The following UBE4B variants were observed in gnomAD, a reference collection of about 807,000 sequenced individuals.
UBE4B encodes ubiquitination factor E4B.
Under a neutral mutation model 148.1 loss-of-function variants are expected in UBE4B, and 27 were observed. The ratio of observed to expected loss-of-function variants is 0.18; its 90% CI spans 0.13 to 0.25. The LOEUF is 0.25. UBE4B is among the 10% of genes least tolerant of loss of function. UBE4B has a pLI of 1.00. For missense variants in UBE4B, 1,170 were observed against 1,662.4 expected, an observed-to-expected ratio of 0.70 and a Z score of 5.15; for synonymous variants, 596 against 619.3, an observed-to-expected ratio of 0.96 and a Z score of 0.56.
rs140713896 is a variant in UBE4B, at chr1:10,156,310, G to T, written c.2927-2046G>T. Among the ~76,000 whole-genome samples the T allele has an allele frequency of 4.9e-3, 718 of 147,086 alleles. 9 individuals carry two copies. The highest frequency in any genetic ancestry group is 0.017 in the African/African-American group (674 of 39,848). ...GCTAGAGTGTAGTGGTACAATTACA[G>T]CACCATGCACTCTTGACCTCCCGGG... is the stretch of plus-strand genomic sequence containing the variant. On this transcript the variant is annotated intron_variant, in intron 21 of 27. Coordinates refer to ENST00000343090, the MANE Select transcript of UBE4B (RefSeq NM_001105562.3).
chr1:10,080,889 G>A (rs1436796923), intron 2 of UBE4B, among the ~76,000 whole-genome samples: 1 of 152,142 alleles, frequency 6.6e-6, no homozygotes, highest in Non-Finnish European at 1.5e-5. Flanking sequence ...AGTAGATGGT[G>A]GTTACCAGAG....
intron 1 of UBE4B, among the ~76,000 whole-genome samples, chr1:10,069,678 G>A (rs1644450836): frequency 1.3e-5 from 2 of 152,296 alleles, no homozygotes; most frequent in Admixed American, 1.3e-4. Flanking sequence ...GGGATTGCAG[G>A]TGTGTGGCAC....
intron 16 of UBE4B, among the ~76,000 whole-genome samples, chr1:10,136,162 G>C (rs572060095): frequency 3.9e-5 from 6 of 152,128 alleles, no homozygotes; most frequent in Non-Finnish European, 7.4e-5. Context: ...CAATACATCA[G>C]TAAGGAACAT....
chr1:10,167,167 C>T (rs1358861929), intron 23 of UBE4B, among the ~76,000 whole-genome samples: 2 of 151,700 alleles, frequency 1.3e-5, no homozygotes, highest in East Asian at 3.9e-4. Context: ...GGGCCGGGCA[C>T]GGTGGCTTAC....
intron 7 of UBE4B, among the ~76,000 whole-genome samples, chr1:10,108,049 G>T (rs1000154737): frequency 2.6e-5 from 4 of 152,164 alleles, no homozygotes; most frequent in Non-Finnish European, 5.9e-5. Context: ...TGAACTACCA[G>T]ATGTGACAAC....
intron 9 of UBE4B, among the ~76,000 whole-genome samples, chr1:10,120,818 A>G (rs1365700445): frequency 6.6e-6 from 1 of 152,184 alleles, no homozygotes; most frequent in Non-Finnish European, 1.5e-5. Context: ...AGCCTGGGCA[A>G]CAGAGCAAGA....
intron 1 of UBE4B, among the ~76,000 whole-genome samples, chr1:10,043,717 C>T (rs759831370): frequency 3.3e-5 from 5 of 152,154 alleles, no homozygotes; most frequent in African/African-American, 9.7e-5. Context: ...CGTGATCCAA[C>T]GCGCTGGGCC....
chr1:10,156,406 AT>A (rs1553153340), intron 21 of UBE4B, among the ~76,000 whole-genome samples: 1 of 151,754 alleles, frequency 6.6e-6, no homozygotes, highest in Non-Finnish European at 1.5e-5. Context: ...CACCCAGCTA[AT>A]TTTTGTGGTT....
chr1:10,133,568 A>G (rs1645630868), intron 15 of UBE4B, among the ~76,000 whole-genome samples: 1 of 152,202 alleles, frequency 6.6e-6, no homozygotes, highest in Non-Finnish European at 1.5e-5. Context: ...AAACAATGTC[A>G]CATGATAAGA....
chr1:10,139,989 G>A (rs1302013624), intron 17 of UBE4B, among the ~76,000 whole-genome samples: 5 of 152,152 alleles, frequency 3.3e-5, no homozygotes, highest in African/African-American at 7.2e-5. Flanking sequence ...AGGCCTTGCT[G>A]GGATTACAGG....
At position 10,132,422 on chromosome 1, in the gene UBE4B, G is replaced by A; in HGVS notation, c.1965G>A (p.Glu655=). 6 of 1,614,214 alleles carry A rather than the reference G, an allele frequency of 3.7e-6. No individual in the cohort carries two copies. The highest frequency in any genetic ancestry group is 3.3e-5 in the South Asian group (3 of 91,090). ...TTTTGTTAAATGGCGAAACCCGTGA[G>A]GCTGCTCTCAGTTACATGGCGGCTG... The part of the protein sequence containing the change: ...HSILLNGETR[E]AALSYMAAVV... The change falls in exon 15 of 28, where the codon GAG becomes GAA. Residue 655 remains glutamate (E), a synonymous_variant. Coordinates refer to ENST00000343090, the MANE Select transcript of UBE4B (RefSeq NM_001105562.3).
Position 10,055,253 on chromosome 1 carries a change from G to A in UBE4B, c.25-16775G>A, listed in dbSNP as rs192223291. On this transcript the variant is annotated intron_variant, in intron 1 of 27. Transcript: ENST00000343090. ...GAACAAATGCTTGTGAAAATGTCTC[G>A]TAGGCCACCTTTTCATCATTTTTTC... 4.8e-4 allele frequency among the ~76,000 whole-genome samples: 73 copies of A among 151,972 alleles called. 1 individual carries two copies. In the East Asian group the frequency reaches 0.014, roughly 29 times the overall value.
At chr1:10,097,049 A>AT (rs1553143688) in intron 3 of UBE4B, among the ~76,000 whole-genome samples, 9 of 146,116 alleles carry the variant, frequency 6.2e-5, no homozygotes, top group African/African-American at 1.8e-4. Flanking sequence ...AAAAAAAAAA[A>AT]AAAAATAATA....
At chr1:10,044,260 G>T (rs1643872172) in intron 1 of UBE4B, among the ~76,000 whole-genome samples, 2 of 151,978 alleles carry the variant, frequency 1.3e-5, no homozygotes, top group Non-Finnish European at 2.9e-5. Context: ...TACTCTTGTT[G>T]TCCAGGCTGA....
Position 10,137,202 on chromosome 1 carries a change from A to G in UBE4B, c.2360A>G (p.Asn787Ser), listed in dbSNP as rs369929304. Residue 787 changes from asparagine to serine, a missense_variant, in exon 17 of 28, where the codon AAT (asparagine) becomes AGT (serine). Transcript: ENST00000343090. ...AGACTCCGGGCTATCCGGGAGCTCAATAGGTATGTGCCATGATACCGTGTC... is the reference window on the plus strand; with the variant it reads ...AGACTCCGGGCTATCCGGGAGCTCAGTAGGTATGTGCCATGATACCGTGTC... ...IRRLRAIREL[N>S]RTVEDLKNNE... The G allele has an allele frequency of 2.5e-6, 4 of 1,614,040 alleles. No individual in the cohort carries two copies. Among genetic ancestry groups the G allele is most frequent in the African/African-American group, 1.3e-5 (1 of 75,034 alleles).
chr1:10,168,850 C>T lies in UBE4B; in HGVS notation c.3333+580C>T, dbSNP rs1646295267. 6.6e-6 allele frequency among the ~76,000 whole-genome samples: 1 copy of T among 150,676 alleles called. No homozygotes were observed. The highest frequency in any genetic ancestry group is 1.5e-5 in the Non-Finnish European group (1 of 67,776). ...GAGCTGGCAGTGAGCCGAGATGGTG[C>T]CACTGCACTCCAGCCTGGGCGACAG... On this transcript the variant is annotated intron_variant, in intron 24 of 27. Coordinates refer to ENST00000343090, the MANE Select transcript of UBE4B (RefSeq NM_001105562.3). The surrounding 1 kb of genome is among the most constrained non-coding windows in gnomAD (Gnocchi z 4.9).
intron 9 of UBE4B, among the ~76,000 whole-genome samples, chr1:10,120,277 T>C (rs1557571793): frequency 6.6e-6 from 1 of 152,138 alleles, no homozygotes; most frequent in Non-Finnish European, 1.5e-5. Context: ...TCCCAGCACT[T>C]TGGGAGGCTG....
chr1:10,131,401 C>G (rs1645590878), intron 14 of UBE4B, among the ~76,000 whole-genome samples: 1 of 152,100 alleles, frequency 6.6e-6, no homozygotes, highest in Non-Finnish European at 1.5e-5. Context: ...ACAAGGATCA[C>G]TTGAACCCAG....
rs145907334 is a variant in UBE4B at position 10,126,352 on chromosome 1, T to A, written c.1555-442T>A. ...ATAGATAGATAGATAGATAGATAGA[T>A]AGAAAGGAGGAAATATTGGAACATT... On this transcript the variant is annotated intron_variant, in intron 10 of 27. Coordinates refer to ENST00000343090, the MANE Select transcript of UBE4B (RefSeq NM_001105562.3). Among the ~76,000 whole-genome samples the A allele has an allele frequency of 6.6e-3, 955 of 144,330 alleles. 7 individuals are homozygous for A. Among genetic ancestry groups the A allele is most frequent in the African/African-American group, 0.023 (860 of 37,558 alleles). 94.7% of individuals were successfully genotyped at this position (144,330 alleles called of 152,430 possible). A position where few individuals can be genotyped will look rare whatever the true frequency, so the allele number is the denominator to read the frequency against.
Sources: gnomAD v4.1 joint callset for allele counts (sites outside exome capture counted in the v4.1 genomes callset) on GRCh38, gnomAD v4.1.1 for gene constraint, Gnocchi (gnomAD v3.1) non-coding constraint, MANE v1.5 for transcripts, NCBI Gene and HGNC (gene_info 2026-07-23, HGNC 2026-07-21) for gene names.